The following CIP2A variants were observed in gnomAD, a reference collection of about 807,000 sequenced individuals.
CIP2A encodes protein CIP2A.
A neutral mutation model predicts 110.9 loss-of-function variants in CIP2A; 103 were observed. The observed-to-expected ratio is 0.93, with a 90% CI of 0.79 to 1.09. CIP2A has a LOEUF of 1.09. Ranked by LOEUF, CIP2A falls within the 50% of genes least tolerant of loss-of-function variation. CIP2A has a pLI of 0.00. For synonymous variants in CIP2A, 381 were observed against 361.6 expected (o/e 1.05, Z -0.61); for missense variants, 1,088 against 1,038.4 (o/e 1.05, Z -0.66).
At chr3:108,574,264 A>G (rs1312890405) in intron 8 of CIP2A, among the ~76,000 whole-genome samples, 1 of 152,076 alleles carries the variant, frequency 6.6e-6, no homozygotes, top group Non-Finnish European at 1.5e-5. Context: ...TGATATTTTT[A>G]TTAATTAATA....
chr3:108,589,393 G>A lies in CIP2A; in HGVS notation c.-18C>T, dbSNP rs931569374. 8 of 1,588,546 alleles carry A rather than the reference G, an allele frequency of 5.0e-6. No individual in the cohort carries two copies. The highest frequency in any genetic ancestry group is 3.4e-5 in the South Asian group (3 of 89,380). On this transcript the variant is annotated 5_prime_UTR_variant, in exon 1 of 21. Coordinates refer to ENST00000295746, the MANE Select transcript of CIP2A (RefSeq NM_020890.3). ...GAGTCCATTGCACCGGCCGCGGCCC[G>A]GCTTAGGGACCACCACCGCCCAGCG...
chr3:108,566,869 A>G lies in CIP2A; in HGVS notation c.1274-231T>C, dbSNP rs558006228. ...TGACTCAATGGTTAAAACAGCGAGG[A>G]TATCTTTCCATTGGATGTCTGTTTT... On this transcript the variant is annotated intron_variant, in intron 10 of 20. Coordinates refer to ENST00000295746, the MANE Select transcript of CIP2A (RefSeq NM_020890.3). Among the ~76,000 whole-genome samples, 141 of 151,892 alleles carry G rather than the reference A, an allele frequency of 9.3e-4. 2 individuals carry two copies. Among genetic ancestry groups the G allele is most frequent in the Non-Finnish European group, 5.2e-4 (35 of 67,788 alleles).
chr3:108,587,136 A>C (rs1939068565), intron 1 of CIP2A, among the ~76,000 whole-genome samples: 1 of 152,190 alleles, frequency 6.6e-6, no homozygotes, highest in Non-Finnish European at 1.5e-5. Flanking sequence ...AGTTTCAACT[A>C]AAACGGAACA....
chr3:108,569,430 A>C lies in CIP2A; in HGVS notation c.1072T>G (p.Cys358Gly), dbSNP rs1266248196. The change falls in exon 9 of 21, where the codon TGT becomes GGT. Residue 358 changes from cysteine to glycine, a missense_variant. Physicochemically the swap from Cys to Gly is radical, Grantham distance 159 (BLOSUM62 -3). Coordinates refer to ENST00000295746, the MANE Select transcript of CIP2A (RefSeq NM_020890.3). ...AACAACTCCAATGCTAAAACAGAAC[A>C]GTTTTCTGATCCGTCCAAAGGTTGG... ...LSQPLDGSEN[C>G]SVLALELFKE... 1.2e-6 allele frequency: 2 copies of C among 1,612,632 alleles called. No homozygotes were observed. Among genetic ancestry groups the C allele is most frequent in the Admixed American group, 3.3e-5 (2 of 59,810 alleles).
intron 1 of CIP2A, among the ~76,000 whole-genome samples, chr3:108,586,931 C>G (rs1465741043): frequency 6.6e-6 from 1 of 152,198 alleles, no homozygotes; most frequent in Non-Finnish European, 1.5e-5. Context: ...ATACCCATCT[C>G]TCTTTGCATA....
intron 7 of CIP2A, 50 bp from the exon 8 acceptor site, chr3:108,576,396 C>A: frequency 2.1e-6 from 2 of 943,736 alleles, no homozygotes; most frequent in Admixed American, 5.0e-5. Flanking sequence ...AAAATTGATA[C>A]ATCAAAAGGG....
chr3:108,587,029 A>T (rs1348095358), intron 1 of CIP2A, among the ~76,000 whole-genome samples: 2 of 152,196 alleles, frequency 1.3e-5, no homozygotes, highest in Non-Finnish European at 2.9e-5. Flanking sequence ...AAATTAAGAA[A>T]TATGAAAACA....
intron 13 of CIP2A, among the ~76,000 whole-genome samples, chr3:108,561,309 C>T (rs546504851): frequency 2.0e-5 from 3 of 152,140 alleles, no homozygotes; most frequent in Non-Finnish European, 2.9e-5. Context: ...ATCTGGAACA[C>T]GCTTTCTACC....
chr3:108,572,836 C>A (rs1938445154), intron 8 of CIP2A, among the ~76,000 whole-genome samples: 1 of 152,002 alleles, frequency 6.6e-6, no homozygotes, highest in Non-Finnish European at 1.5e-5. Flanking sequence ...TTGGGACCAC[C>A]AATACTAAGC....
intron 8 of CIP2A, among the ~76,000 whole-genome samples, chr3:108,573,621 T>C (rs1938470956): frequency 6.6e-6 from 1 of 152,038 alleles, no homozygotes; most frequent in Non-Finnish European, 1.5e-5. Context: ...GAATCCTTAT[T>C]TAGCACTTAT....
intron 7 of CIP2A, among the ~76,000 whole-genome samples, chr3:108,578,298 T>C (rs1488301780): frequency 6.6e-6 from 1 of 152,174 alleles, no homozygotes; most frequent in African/African-American, 2.4e-5. Context: ...GTAGAATAGA[T>C]ATACATGGAT....
chr3:108,552,445 T>A, intron 19 of CIP2A, 72 bp from the exon 20 acceptor site: 1 of 911,548 alleles, frequency 1.1e-6, no homozygotes, highest in Non-Finnish European at 1.6e-6. Flanking sequence ...GTCTAGTAGC[T>A]ACTGTAAGAG....
intron 8 of CIP2A, among the ~76,000 whole-genome samples, chr3:108,573,507 C>A (rs2107346786): frequency 6.6e-6 from 1 of 151,744 alleles, no homozygotes; most frequent in East Asian, 1.9e-4. Flanking sequence ...CCATAGAATG[C>A]TTCTACTCCC....
At chr3:108,575,093 T>G (rs1345152416) in intron 8 of CIP2A, 4 of 152,152 alleles carry the variant, frequency 2.6e-5, no homozygotes, top group Non-Finnish European at 5.9e-5. Flanking sequence ...CCCTTATTCA[T>G]GCTCACCAAT....
At chr3:108,567,253 T>C (rs1466280308) in intron 10 of CIP2A, among the ~76,000 whole-genome samples, 1 of 151,784 alleles carries the variant, frequency 6.6e-6, no homozygotes, top group Non-Finnish European at 1.5e-5. Context: ...TTTCTTTTTT[T>C]TTTTACATGT....
chr3:108,581,552 T>C, intron 4 of CIP2A, 41 bp from the exon 5 acceptor site: 1 of 1,225,568 alleles, frequency 8.2e-7, no homozygotes, highest in Non-Finnish European at 1.2e-6. Context: ...GAAAAAATAG[T>C]AAAAGAAAAA....
chr3:108,569,274 T>G, intron 9 of CIP2A, 115 bp downstream of exon 9: 23 of 741,326 alleles, frequency 3.1e-5, no homozygotes, highest in Middle Eastern at 3.6e-4. Context: ...TGTTAGTAAT[T>G]GAGATGTTTT....
intron 10 of CIP2A, among the ~76,000 whole-genome samples, chr3:108,567,791 T>C (rs1938237225): frequency 1.3e-5 from 2 of 151,886 alleles, no homozygotes; most frequent in African/African-American, 4.8e-5. Context: ...CTACTGATCG[T>C]CCGTCCAGGG....
Position 108,581,452 on chromosome 3 carries a change from C to T in CIP2A, c.512G>A (p.Arg171Gln), listed in dbSNP as rs750489995. ...PCLGLLANLC[R>Q]HNLSVQTHIK... is the part of the protein sequence containing the mutation. ...GTGCGTTTGAACAGAAAGATTGTGCCGACAAAGATTTGCCAATAATCCTAG... is the reference window on the plus strand; with the variant it reads ...GTGCGTTTGAACAGAAAGATTGTGCTGACAAAGATTTGCCAATAATCCTAG... Residue 171 changes from arginine (R) to glutamine (Q), a missense_variant, in exon 5 of 21, where the codon CGG (arginine) becomes CAG (glutamine). By Grantham distance (43) the Arg-to-Gln change is conservative (BLOSUM62 1). Coordinates refer to ENST00000295746, the MANE Select transcript of CIP2A (RefSeq NM_020890.3). The T allele has an allele frequency of 1.1e-5, 18 of 1,612,660 alleles. No homozygotes were observed. The highest frequency in any genetic ancestry group is 2.7e-5 in the African/African-American group (2 of 74,858).
Sources: allele counts gnomAD v4.1 joint callset (sites outside exome capture counted in the v4.1 genomes callset), GRCh38; gene constraint gnomAD v4.1.1; transcripts MANE v1.5; gene names NCBI Gene and HGNC (gene_info 2026-07-23, HGNC 2026-07-21).